Variants in ZNF771 observed in about 807,000 individuals in gnomAD.
ZNF771 encodes zinc finger protein 771, also known as mesenchymal stem cell protein DSC43.
In ZNF771, 10 loss-of-function variants were observed where a neutral mutation model predicts 27.6. The observed-to-expected ratio is 0.36, with a 90% CI of 0.22 to 0.61. The LOEUF (loss-of-function observed/expected upper bound fraction) is 0.61. ZNF771 is among the 20% of genes least tolerant of loss of function. ZNF771 has a pLI of 0.70. For synonymous variants in ZNF771, 261 were observed against 225.2 expected, an observed-to-expected ratio of 1.16 and a Z score of -1.43; for missense variants, 438 against 503.7, an observed-to-expected ratio of 0.87 and a Z score of 1.25.
Position 30,418,157 on chromosome 16 carries a change from G to A in ZNF771, c.744G>A (p.Glu248=). Residue 248 remains glutamate (E), a synonymous_variant, in exon 3 of 3, where the codon GAG becomes GAA. Transcript: ENST00000319296. ...TCGGCCACCGCTCCAACCTGGCGGA[G>A]CACGCGCGCACGCACACAGGCGAGC... ...RRFGHRSNLA[E]HARTHTGERP... is the part of the protein sequence containing the mutation. 6.8e-7 allele frequency: 1 copy of A among 1,476,034 alleles called. No homozygotes were observed. Among genetic ancestry groups the A allele is most frequent in the Non-Finnish European group, 8.9e-7 (1 of 1,120,112 alleles). 91.4% of individuals were successfully genotyped at this position (1,476,034 alleles called of 1,614,324 possible).
intron 2 of ZNF771, 98 bp from the exon 3 acceptor site, chr16:30,417,456 TG>T: frequency 1.2e-6 from 1 of 805,150 alleles, no homozygotes; most frequent in Non-Finnish European, 1.6e-6. Flanking sequence ...ATTTCATAGA[TG>T]GGGAACTGAG....
In ZNF771 at chr16:30,408,150, A is replaced by G; in HGVS notation, c.97A>G (p.Lys33Glu). 3.1e-6 allele frequency: 5 copies of G among 1,613,090 alleles called. No homozygotes were observed. Among genetic ancestry groups the G allele is most frequent in the Non-Finnish European group, 4.2e-6 (5 of 1,179,372 alleles). Reference protein sequence around the residue: ...VKGEEDEGEEKYEVVKLKIPM... With the variant: ...VKGEEDEGEEEYEVVKLKIPM... ...GGGTGAGGAGGATGAGGGTGAGGAG[A>G]AGTATGAGGTGGTGAAACTCAAGAT... The change falls in exon 2 of 3, where the codon AAG becomes GAG. Residue 33 changes from lysine (K) to glutamate (E), a missense_variant. Around this residue, in one of 3 missense-constraint regions of ZNF771, gnomAD observed 84 missense variants for 89.2 expected, o/e 0.94. Coordinates refer to ENST00000319296, the MANE Select transcript of ZNF771 (RefSeq NM_001142305.2).
chr16:30,407,999 T>TG (rs1311250023), intron 1 of ZNF771, 46 bp from the exon 2 acceptor site: 1,547 of 410,598 alleles, frequency 3.8e-3, no homozygotes, highest in African/African-American at 8.3e-3. Flanking sequence ...GGGGGGGGGG[T>TG]GGGGGGGGGC....
At position 30,418,324 on chromosome 16, in the gene ZNF771, C is replaced by T. The variant is rs1234768401; in HGVS notation, c.911C>T (p.Ala304Val). The change falls in exon 3 of 3, where the codon GCC becomes GTC. Residue 304 changes from alanine (A) to valine (V), a missense_variant. Physicochemically the swap from Ala to Val is moderately conservative, Grantham distance 64. Transcript: ENST00000319296. ...RDFKLPPGAT[A>V]ATATERCPEC... ...TTCAAGCTGCCCCCTGGCGCCACGG[C>T]CGCCACTGCCACCGAGCGTTGCCCG... The T allele has an allele frequency of 6.8e-7, 1 of 1,474,448 alleles. No homozygotes were observed. The allele number at this position is 1,474,448 out of a possible 1,614,324, so 91.3% of individuals were successfully genotyped here. A position where few individuals can be genotyped will look rare whatever the true frequency, so the allele number is the denominator to read the frequency against.
In ZNF771 at chr16:30,418,249, G is replaced by A; in HGVS notation, c.836G>A (p.Arg279His). The A allele has an allele frequency of 1.3e-6, 2 of 1,513,776 alleles. No individual in the cohort carries two copies. The highest frequency in any genetic ancestry group is 1.8e-6 in the Non-Finnish European group (2 of 1,137,814). 93.8% of individuals were successfully genotyped at this position (1,513,776 alleles called of 1,614,324 possible). The part of the protein sequence containing the change: ...RLSSHFIRHR[R>H]AHMRRRLYIC... The stretch of plus-strand genomic sequence containing the variant: ...AGCTCGCACTTCATTCGCCACCGAC[G>A]CGCGCACATGCGGCGCCGCCTGTAT... The change falls in exon 3 of 3, where the codon CGC becomes CAC. Residue 279 changes from arginine (R) to histidine (H), a missense_variant. By Grantham distance (29) the Arg-to-His change is conservative (BLOSUM62 0). This residue lies in a region of ZNF771 where 305 missense variants were observed against 308.0 expected (regional missense o/e 0.99). Coordinates refer to ENST00000319296, the MANE Select transcript of ZNF771 (RefSeq NM_001142305.2).
chr16:30,417,603 G>C lies in ZNF771; in HGVS notation c.190G>C (p.Ala64Pro). ...APSADPARPH[A>P]CPDCGRAFAR... ...GTCCGCCGACCCGGCGCGTCCCCAC[G>C]CGTGCCCCGACTGCGGCCGCGCCTT... Residue 64 changes from alanine to proline, a missense_variant, in exon 3 of 3, where the codon GCG (alanine) becomes CCG (proline). Coordinates refer to ENST00000319296, the MANE Select transcript of ZNF771 (RefSeq NM_001142305.2). The C allele has an allele frequency of 1.5e-6, 2 of 1,301,674 alleles. No individual in the cohort carries two copies. The highest frequency in any genetic ancestry group is 2.3e-5 in the South Asian group (1 of 43,562). 80.6% of individuals were successfully genotyped at this position (1,301,674 alleles called of 1,614,324 possible).
intron 2 of ZNF771, among the ~76,000 whole-genome samples, chr16:30,412,109 C>T (rs1373256854): frequency 6.6e-6 from 1 of 152,288 alleles, no homozygotes. Context: ...TTCATCCCCT[C>T]GACACCTATC....
intron 2 of ZNF771, 86 bp from the exon 3 acceptor site, chr16:30,417,469 C>G: frequency 1.1e-6 from 1 of 943,142 alleles, no homozygotes; most frequent in Non-Finnish European, 1.4e-6. Context: ...GGAACTGAGG[C>G]TCACAGAGGG....
Position 30,408,074 on chromosome 16 carries a change from A to AGAGGAAGAGGAG in ZNF771, c.31_42dup (p.Glu11_Glu14dup), listed in dbSNP as rs1282489071. On this transcript the variant is annotated inframe_insertion, in exon 2 of 3. Transcript: ENST00000319296. ...CCAAGATGCCTGGCGAACAGCAGGC[A>AGAGGAAGAGGAG]GAGGAAGAGGAGGAGGAAGAGATGC... is the stretch of plus-strand genomic sequence containing the variant. 1.6e-5 allele frequency: 26 copies of AGAGGAAGAGGAG among 1,598,054 alleles called. No homozygotes were observed. Among genetic ancestry groups the AGAGGAAGAGGAG allele is most frequent in the Non-Finnish European group, 1.9e-5 (22 of 1,171,368 alleles).
In ZNF771 at chr16:30,417,856, C is replaced by T; in HGVS notation, c.443C>T (p.Ala148Val). The change falls in exon 3 of 3, where the codon GCA becomes GTA. Residue 148 changes from alanine to valine, a missense_variant. This residue lies in a region of ZNF771 where 305 missense variants were observed against 308.0 expected (regional missense o/e 0.99). Transcript: ENST00000319296. Reference sequence around the variant, plus strand: ...CGGCACACGGGCGAGAAGCCGTACGCATGCGCGCACTGCGGCCGCCGCTTC... The same window carrying T: ...CGGCACACGGGCGAGAAGCCGTACGTATGCGCGCACTGCGGCCGCCGCTTC... Reference protein sequence around the residue: ...RRRHTGEKPYACAHCGRRFAQ... With the variant: ...RRRHTGEKPYVCAHCGRRFAQ... 6.6e-7 allele frequency: 1 copy of T among 1,504,470 alleles called. No homozygotes were observed. The highest frequency in any genetic ancestry group is 1.5e-5 in the African/African-American group (1 of 68,740). The allele number at this position is 1,504,470 out of a possible 1,614,324, so 93.2% of individuals were successfully genotyped here.
intron 2 of ZNF771, chr16:30,413,757 C>T (rs890819281): frequency 1.7e-5 from 4 of 236,282 alleles, no homozygotes; most frequent in East Asian, 1.1e-4. Context: ...TTTGTAGAGA[C>T]GAGGTCTAAC....
chr16:30,417,475 G>A (rs2050140219), intron 2 of ZNF771, 80 bp from the exon 3 acceptor site: 5 of 992,658 alleles, frequency 5.0e-6, no homozygotes, highest in Middle Eastern at 3.8e-4. Flanking sequence ...GAGGCTCACA[G>A]AGGGAGCAGC....
rs1342488331 is a variant in ZNF771 at position 30,416,070 on chromosome 16, T to C, written c.142-1485T>C. ...TCAGAATAACATTTGGCTTTTACCCTTGCCTTTTTCTTCACTGCTTAAAAA... is the reference window on the plus strand; with the variant it reads ...TCAGAATAACATTTGGCTTTTACCCCTGCCTTTTTCTTCACTGCTTAAAAA... On this transcript the variant is annotated intron_variant, in intron 2 of 2. Transcript: ENST00000319296. Among the ~76,000 whole-genome samples the C allele has an allele frequency of 2.0e-5, 3 of 152,208 alleles. No homozygotes were observed. In the East Asian group the frequency reaches 5.8e-4, roughly 29 times the overall value.
At position 30,419,081 on chromosome 16, in the gene ZNF771, C is replaced by A. The variant is rs1237056014; in HGVS notation, c.*714C>A. 1 of 151,904 alleles carries A rather than the reference C, an allele frequency of 6.6e-6. No homozygotes were observed. The highest frequency in any genetic ancestry group is 1.5e-5 in the Non-Finnish European group (1 of 68,036). The allele number at this position is 151,904 out of a possible 1,614,324, so 9.4% of individuals were successfully genotyped here. ...TGAAACCCGGTCTCTACTAAAAATA[C>A]AAAAATTAACTGGGTGTGGTGGCGG... On this transcript the variant is annotated 3_prime_UTR_variant, in exon 3 of 3. Transcript: ENST00000319296.
chr16:30,416,542 G>A (rs2050134935), intron 2 of ZNF771, among the ~76,000 whole-genome samples: 3 of 152,212 alleles, frequency 2.0e-5, no homozygotes, highest in South Asian at 2.1e-4. Context: ...AGATCCAGAA[G>A]CCAATCACTT....
chr16:30,407,792 G>A (rs1017127728), intron 1 of ZNF771, 128 bp downstream of exon 1: 1 of 281,932 alleles, frequency 3.5e-6, no homozygotes. Context: ...ACTTGCGGGG[G>A]CTGGAGATTC....
intron 2 of ZNF771, among the ~76,000 whole-genome samples, chr16:30,412,486 A>G (rs2050109329): frequency 6.6e-6 from 1 of 152,226 alleles, no homozygotes; most frequent in Admixed American, 6.5e-5. Context: ...AACTCTAGTC[A>G]GTGAGATTAG....
chr16:30,412,207 C>T (rs902458765), intron 2 of ZNF771, among the ~76,000 whole-genome samples: 13 of 152,144 alleles, frequency 8.5e-5, no homozygotes, highest in Non-Finnish European at 1.8e-4. Context: ...TCATCTAGAT[C>T]AGTTTCTTAA....
At chr16:30,412,128 C>G (rs553828632) in intron 2 of ZNF771, among the ~76,000 whole-genome samples, 1 of 152,196 alleles carries the variant, frequency 6.6e-6, no homozygotes, top group Non-Finnish European at 1.5e-5. Context: ...TCCCATCCCC[C>G]CTTGTGGTCT....
Sources: allele counts gnomAD v4.1 joint callset (sites outside exome capture counted in the v4.1 genomes callset), GRCh38; gene constraint gnomAD v4.1.1; regional missense constraint gnomAD v4.1.1; transcripts MANE v1.5; gene names NCBI Gene and HGNC (gene_info 2026-07-23, HGNC 2026-07-21).